The following MYO7B variants were observed in gnomAD, a reference collection of about 807,000 sequenced individuals.
The protein encoded by MYO7B is myosin VIIB, also known as unconventional myosin-VIIb.
A neutral mutation model predicts 259.7 loss-of-function variants in MYO7B; 212 were observed. The observed-to-expected ratio is 0.82, with a 90% CI of 0.73 to 0.91. MYO7B has a LOEUF of 0.91. Among genes scored for constraint, MYO7B ranks in the 40% least tolerant of loss-of-function variants. The probability of loss-of-function intolerance (pLI) is 0.00; values close to 1 mark genes in which losing one functional copy is unlikely to be tolerated. For missense variants in MYO7B, 2,732 were observed against 2,813.5 expected (o/e 0.97, Z 0.66); for synonymous variants, 1,197 against 1,166.4 (o/e 1.03, Z -0.54).
intron 30 of MYO7B, 143 bp downstream of exon 30, chr2:127,624,463 C>G (rs1681006997): frequency 1.3e-6 from 1 of 751,118 alleles, no homozygotes; most frequent in African/African-American, 1.8e-5. Context: ...CCCTTCCAGG[C>G]CCAGCCTCTG....
intron 2 of MYO7B, among the ~76,000 whole-genome samples, chr2:127,562,039 G>GAA (rs1406889836): frequency 6.6e-6 from 1 of 152,052 alleles, no homozygotes; most frequent in Non-Finnish European, 1.5e-5. Flanking sequence ...GAGAGAGAGA[G>GAA]AGCGTGCATG....
rs192556335 is a variant in MYO7B, at chr2:127,627,454, G to T, written c.4460+144G>T. 3,544 of 1,157,250 alleles carry T rather than the reference G, an allele frequency of 3.1e-3. 8 individuals are homozygous for T. Among genetic ancestry groups the T allele is most frequent in the Non-Finnish European group, 3.9e-3 (3,170 of 805,606 alleles). 71.7% of individuals were successfully genotyped at this position (1,157,250 alleles called of 1,614,324 possible). The stretch of plus-strand genomic sequence containing the variant: ...GGGACAAGAATCTACGTATGCGATG[G>T]CTTCTGTACTTCGGAGCCCCACCCT... On this transcript the variant is annotated intron_variant, in intron 33 of 47. Coordinates refer to ENST00000409816, the MANE Select transcript of MYO7B (RefSeq NM_001393586.1). This position sits in a 1 kb window ranked among gnomAD's most constrained non-coding sequence, Gnocchi z 5.6.
intron 26 of MYO7B, among the ~76,000 whole-genome samples, chr2:127,616,127 G>C (rs1214712159): frequency 6.6e-6 from 1 of 152,172 alleles, no homozygotes; most frequent in Non-Finnish European, 1.5e-5. Context: ...TAATTACCGC[G>C]GGGTAAAACT....
chr2:127,596,630 A>C, intron 19 of MYO7B, 74 bp downstream of exon 19: 1 of 1,266,018 alleles, frequency 7.9e-7, no homozygotes, highest in Non-Finnish European at 1.1e-6. Context: ...GCAGCCCACA[A>C]ACCAGGATCA....
chr2:127,594,596 C>T (rs563472089), intron 18 of MYO7B, among the ~76,000 whole-genome samples: 65 of 152,288 alleles, frequency 4.3e-4, no homozygotes, highest in African/African-American at 1.4e-3. Flanking sequence ...CATCTCAGTG[C>T]ACTGTGGGTT....
In MYO7B at chr2:127,636,769, G is replaced by GGCCC; in HGVS notation, c.6208-25_6208-24insGCCC. The GGCCC allele has an allele frequency of 2.5e-6, 4 of 1,608,812 alleles. No homozygotes were observed. Among genetic ancestry groups the GGCCC allele is most frequent in the Non-Finnish European group, 3.4e-6 (4 of 1,176,310 alleles). On this transcript the variant is annotated intron_variant, in intron 46 of 47. Coordinates refer to ENST00000409816, the MANE Select transcript of MYO7B (RefSeq NM_001393586.1). The surrounding 1 kb of genome is among the most constrained non-coding windows in gnomAD (Gnocchi z 4.5). ...AGAGCCCGTGCTCTGGAGGCGTCCG[G>GGCCC]CCCACCCACCCTCTCTGCCCCCAGG...
At chr2:127,637,164 G>A in intron 47 of MYO7B, 152 bp from the exon 48 acceptor site, 1 of 892,902 alleles carries the variant, frequency 1.1e-6, no homozygotes, top group Non-Finnish European at 1.8e-6. Context: ...AGCAGGGCAA[G>A]CAGAAATGAC....
chr2:127,629,733 C>G lies in MYO7B; in HGVS notation c.4713C>G (p.Leu1571=). 1 of 1,612,236 alleles carries G rather than the reference C, an allele frequency of 6.2e-7. No individual in the cohort carries two copies. Among genetic ancestry groups the G allele is most frequent in the Non-Finnish European group, 8.5e-7 (1 of 1,179,446 alleles). Reference sequence around the variant, plus strand: ...TGCTGGCCTCTGAGAACTGGACCCTCGGCCAGAACGACAGGACAGGCAAGA... The same window carrying G: ...TGCTGGCCTCTGAGAACTGGACCCTGGGCCAGAACGACAGGACAGGCAAGA... ...QGLLASENWT[L]GQNDRTGKTG... Residue 1571 remains leucine, a synonymous_variant, in exon 35 of 48, where the codon CTC becomes CTG. Transcript: ENST00000409816.
Position 127,575,443 on chromosome 2 carries a change from T to C in MYO7B, c.736-1152T>C, listed in dbSNP as rs528636227. On this transcript the variant is annotated intron_variant, in intron 7 of 47. Coordinates refer to ENST00000409816, the MANE Select transcript of MYO7B (RefSeq NM_001393586.1). ...GGCCTGCCCAAGAAAAGAGAAAGAA[T>C]TTAAAATTACGGCATATCTATACTA... Among the ~76,000 whole-genome samples, 26 of 152,138 alleles carry C rather than the reference T, an allele frequency of 1.7e-4. No individual in the cohort carries two copies. The South Asian group carries it at 5.2e-3, about 30-fold the overall frequency.
intron 22 of MYO7B, 99 bp downstream of exon 22, chr2:127,608,977 G>T: frequency 1.4e-6 from 2 of 1,450,354 alleles, no homozygotes; most frequent in South Asian, 1.3e-5. Flanking sequence ...TGAGAAGCCA[G>T]AGCGGTGGCC....
intron 1 of MYO7B, among the ~76,000 whole-genome samples, chr2:127,552,694 C>T (rs1693491694): frequency 6.6e-6 from 1 of 152,054 alleles, no homozygotes; most frequent in Non-Finnish European, 1.5e-5. Flanking sequence ...AGGGCAGGAC[C>T]ACGGGTGGGC....
intron 7 of MYO7B, among the ~76,000 whole-genome samples, 156 bp downstream of exon 7, chr2:127,574,218 C>T (rs1678766612): frequency 6.6e-6 from 1 of 152,210 alleles, no homozygotes; most frequent in African/African-American, 2.4e-5. Context: ...CCCCAGTATT[C>T]CAGGACAGCA....
At position 127,548,668 on chromosome 2, in the gene MYO7B, C is replaced by A. The variant is rs113854305; in HGVS notation, c.-23-11032C>A. ...TGACCTCGTGATCCACCCGCCTCGG[C>A]CTCCCAAAGTGCTGGGGTTACAGGC... On this transcript the variant is annotated intron_variant, in intron 1 of 47. Coordinates refer to ENST00000409816, the MANE Select transcript of MYO7B (RefSeq NM_001393586.1). Among the ~76,000 whole-genome samples the A allele has an allele frequency of 5.9e-3, 893 of 152,222 alleles. 8 individuals are homozygous for A. Among genetic ancestry groups the A allele is most frequent in the African/African-American group, 0.02 (842 of 41,526 alleles).
chr2:127,548,346 A>C (rs1165609848), intron 1 of MYO7B, among the ~76,000 whole-genome samples: 2 of 149,806 alleles, frequency 1.3e-5, no homozygotes, highest in African/African-American at 4.9e-5. Context: ...TTTTCTTCTT[A>C]CTTTAGGATG....
chr2:127,622,432 G>A (rs1255265470), intron 28 of MYO7B, among the ~76,000 whole-genome samples: 2 of 152,212 alleles, frequency 1.3e-5, no homozygotes, highest in African/African-American at 2.4e-5. Context: ...AAGGGCAGTA[G>A]TCACACCATG....
rs1472999851 is a variant in MYO7B at position 127,627,768 on chromosome 2, C to T, written c.4460+458C>T. 13 of 458,146 alleles carry T rather than the reference C, an allele frequency of 2.8e-5. No homozygotes were observed. Among genetic ancestry groups the T allele is most frequent in the Non-Finnish European group, 4.8e-5 (11 of 228,132 alleles). 28.4% of individuals were successfully genotyped at this position (458,146 alleles called of 1,614,324 possible). A position where few individuals can be genotyped will look rare whatever the true frequency, so the allele number is the denominator to read the frequency against. The stretch of plus-strand genomic sequence containing the variant: ...GCTGACCCCCACTCCCATGGGTCTC[C>T]ATGGATCTCATTGACTGGGAACTTT... On this transcript the variant is annotated intron_variant, in intron 33 of 47. Transcript: ENST00000409816. The surrounding 1 kb of genome is among the most constrained non-coding windows in gnomAD (Gnocchi z 5.6).
intron 14 of MYO7B, among the ~76,000 whole-genome samples, 187 bp from the exon 15 acceptor site, chr2:127,588,205 G>A (rs1183928336): frequency 1.3e-5 from 2 of 152,088 alleles, no homozygotes; most frequent in Non-Finnish European, 2.9e-5. Context: ...CAGGAGAAGT[G>A]ACTTTGTGCT....
intron 6 of MYO7B, among the ~76,000 whole-genome samples, chr2:127,571,962 T>C (rs185186665): frequency 8.7e-4 from 133 of 152,348 alleles, no homozygotes; most frequent in Middle Eastern, 3.4e-3. Flanking sequence ...GTCATGCTTT[T>C]TTGTGTTGTA....
At chr2:127,625,128 C>A (rs1185502084) in intron 30 of MYO7B, among the ~76,000 whole-genome samples, 2 of 152,242 alleles carry the variant, frequency 1.3e-5, no homozygotes, top group African/African-American at 4.8e-5. Flanking sequence ...CACCCCAGAA[C>A]TGGAGAGCAG....
Sources: allele counts gnomAD v4.1 joint callset (sites outside exome capture counted in the v4.1 genomes callset), GRCh38; gene constraint gnomAD v4.1.1; non-coding constraint Gnocchi (gnomAD v3.1); transcripts MANE v1.5; gene names NCBI Gene and HGNC (gene_info 2026-07-23, HGNC 2026-07-21).